The following COL9A3 variants were observed in gnomAD, a reference collection of about 807,000 sequenced individuals.
COL9A3 encodes collagen type IX alpha 3 chain.
A neutral mutation model predicts 110.2 loss-of-function variants in COL9A3; 82 were observed. The ratio of observed to expected loss-of-function variants is 0.74; its 90% CI spans 0.62 to 0.89. The LOEUF (loss-of-function observed/expected upper bound fraction) is 0.89, where lower values mean the gene tolerates loss of function less well. Ranked by LOEUF, COL9A3 falls within the 40% of genes least tolerant of loss-of-function variation. The probability of loss-of-function intolerance (pLI) is 0.00; values close to 1 mark genes in which losing one functional copy is unlikely to be tolerated. For missense variants in COL9A3, 1,066 were observed against 981.3 expected, an observed-to-expected ratio of 1.09 and a Z score of -1.15; for synonymous variants, 494 against 403.8, an observed-to-expected ratio of 1.22 and a Z score of -2.68.
intron 2 of COL9A3, among the ~76,000 whole-genome samples, chr20:62,818,316 C>T (rs938042506): frequency 2.0e-5 from 3 of 152,218 alleles, no homozygotes; most frequent in African/African-American, 7.2e-5. Context: ...TCCAGTCTGT[C>T]CAGTTCACCC....
intron 16 of COL9A3, among the ~76,000 whole-genome samples, chr20:62,827,635 G>A (rs923481813): frequency 2.0e-5 from 3 of 152,226 alleles, no homozygotes; most frequent in Non-Finnish European, 2.9e-5. Context: ...GCAGCCAAGC[G>A]TTCCAGGAGT....
chr20:62,834,792 A>G lies in COL9A3; in HGVS notation c.1369-1129A>G, dbSNP rs540429100. On this transcript the variant is annotated intron_variant, in intron 26 of 31. Coordinates refer to ENST00000649368, the MANE Select transcript of COL9A3 (RefSeq NM_001853.4). Reference sequence around the variant, plus strand: ...CGAGTAGCTGGGACTACAGGTGCCCACCATCACACCCGGCTAATTTTTGTA... The same window carrying G: ...CGAGTAGCTGGGACTACAGGTGCCCGCCATCACACCCGGCTAATTTTTGTA... Among the ~76,000 whole-genome samples, 257 of 152,128 alleles carry G rather than the reference A, an allele frequency of 1.7e-3. 2 individuals carry two copies. The highest frequency in any genetic ancestry group is 5.2e-3 in the African/African-American group (215 of 41,488).
chr20:62,832,933 C>T (rs139469897), intron 25 of COL9A3, 87 bp from the exon 26 acceptor site: 12 of 1,250,486 alleles, frequency 9.6e-6, no homozygotes, highest in African/African-American at 1.5e-5. Context: ...ATTACACCTA[C>T]GGAGGCTTGA....
chr20:62,825,723 C>T (rs894941829), intron 12 of COL9A3, 94 bp from the exon 13 acceptor site: 3 of 1,305,696 alleles, frequency 2.3e-6, no homozygotes, highest in Admixed American at 2.0e-5. Context: ...GCAACACCCC[C>T]AGCTGCTTGG....
Position 62,817,574 on chromosome 20 carries a change from G to T in COL9A3, c.86G>T (p.Gly29Val), listed in dbSNP as rs958612540. ...LLAAAGAQRV[G>V]LPGPPGPPGP... Reference sequence around the variant, plus strand: ...GAGTTTTCTCCGTTTCAGAGAGTGGGACTCCCCGGCCCCCCCGGCCCCCCA... The same window carrying T: ...GAGTTTTCTCCGTTTCAGAGAGTGGTACTCCCCGGCCCCCCCGGCCCCCCA... Residue 29 changes from glycine (G) to valine (V), a missense_variant, in exon 2 of 32, where the codon GGA becomes GTA. Transcript: ENST00000649368. 88 of 1,545,164 alleles carry T rather than the reference G, an allele frequency of 5.7e-5. No individual in the cohort carries two copies. Among genetic ancestry groups the T allele is most frequent in the Non-Finnish European group, 6.5e-5 (74 of 1,143,112 alleles).
intron 5 of COL9A3, among the ~76,000 whole-genome samples, 172 bp from the exon 6 acceptor site, chr20:62,821,009 C>T (rs974150545): frequency 7.9e-5 from 12 of 152,194 alleles, no homozygotes; most frequent in African/African-American, 9.7e-5. Flanking sequence ...CTCCCCAGGA[C>T]GGCAAAGACC....
Position 62,836,519 on chromosome 20 carries a change from G to A in COL9A3, c.1590G>A (p.Gly530=). 1 of 1,612,404 alleles carries A rather than the reference G, an allele frequency of 6.2e-7. No individual in the cohort carries two copies. Among genetic ancestry groups the A allele is most frequent in the Non-Finnish European group, 8.5e-7 (1 of 1,179,318 alleles). Reference sequence around the variant, plus strand: ...AGCAGCGCATCAGGGAGCTGTGTGGGGGGATGATCAGCGGTAAGTCAGCCA... The same window carrying A: ...AGCAGCGCATCAGGGAGCTGTGTGGAGGGATGATCAGCGGTAAGTCAGCCA... ...ASEQRIRELC[G]GMISEQIAQL... The change falls in exon 29 of 32, where the codon GGG becomes GGA. Residue 530 remains glycine (G), a synonymous_variant. Transcript: ENST00000649368.
chr20:62,827,328 T>TA (rs537169453), intron 16 of COL9A3, 34 bp downstream of exon 16: 745 of 1,609,116 alleles, frequency 4.6e-4, no homozygotes, highest in South Asian at 8.7e-4. Flanking sequence ...CCTGGGTCCT[T>TA]ATGTGGAAGA....
chr20:62,826,176 C>T (rs773436932), intron 13 of COL9A3, 28 bp from the exon 14 acceptor site: 18 of 1,551,266 alleles, frequency 1.2e-5, no homozygotes, highest in South Asian at 5.9e-5. Flanking sequence ...GCAGCCCCAG[C>T]CTCTGCATCT....
chr20:62,826,503 G>A (rs967780801), intron 14 of COL9A3, among the ~76,000 whole-genome samples: 1 of 152,194 alleles, frequency 6.6e-6, no homozygotes, highest in Non-Finnish European at 1.5e-5. Flanking sequence ...GGCTATTCAC[G>A]CGTGTGCCCG....
intron 17 of COL9A3, 130 bp downstream of exon 17, chr20:62,828,106 T>C: frequency 3.2e-6 from 3 of 928,896 alleles, no homozygotes; most frequent in Non-Finnish European, 5.1e-6. Flanking sequence ...GGGTTAACGG[T>C]GGAACAGCCC....
At chr20:62,818,603 G>C in intron 3 of COL9A3, 50 bp downstream of exon 3, 1 of 1,572,808 alleles carries the variant, frequency 6.4e-7, no homozygotes, top group Non-Finnish European at 8.7e-7. Flanking sequence ...TGGAGAGAAA[G>C]GGGGAACTCA....
intron 14 of COL9A3, among the ~76,000 whole-genome samples, chr20:62,826,553 C>CA (rs2063554740): frequency 6.6e-6 from 1 of 152,216 alleles, no homozygotes; most frequent in African/African-American, 2.4e-5. Context: ...CACCCACACA[C>CA]ACGGTCCCAG....
intron 24 of COL9A3, chr20:62,831,794 C>T (rs545281455): frequency 4.6e-4 from 165 of 362,298 alleles, no homozygotes; most frequent in African/African-American, 3.4e-3. Flanking sequence ...CAGACATGTC[C>T]TCATTTCACA....
At chr20:62,840,059 A>G (rs565494655) in intron 31 of COL9A3, among the ~76,000 whole-genome samples, 1 of 151,610 alleles carries the variant, frequency 6.6e-6, no homozygotes, top group East Asian at 2.0e-4. Context: ...TGCCCGCACC[A>G]TGCCCACACC....
chr20:62,838,769 T>A lies in COL9A3; in HGVS notation c.1864+8T>A. The A allele has an allele frequency of 6.4e-7, 1 of 1,550,776 alleles. No homozygotes were observed. The highest frequency in any genetic ancestry group is 8.7e-7 in the Non-Finnish European group (1 of 1,146,434). ...GAGACCAGGGGCCCCAAGGTACGAG[T>A]CCACGGCCAGCAAGGCTTCACTGGG... is the stretch of plus-strand genomic sequence containing the variant. On this transcript the variant is annotated splice_region_variant and intron_variant, in intron 31 of 31. Transcript: ENST00000649368.
chr20:62,840,515 G>T, intron 31 of COL9A3, 27 bp from the exon 32 acceptor site: 1 of 1,606,730 alleles, frequency 6.2e-7, no homozygotes, highest in Non-Finnish European at 8.5e-7. Context: ...GGCTGCAGCT[G>T]AACTCACCTT....
chr20:62,834,598 C>T (rs915320491), intron 26 of COL9A3, among the ~76,000 whole-genome samples: 10 of 152,178 alleles, frequency 6.6e-5, no homozygotes, highest in African/African-American at 2.4e-4. Flanking sequence ...ACTTTTTATG[C>T]CTGGGGACAA....
intron 14 of COL9A3, 59 bp from the exon 15 acceptor site, chr20:62,826,708 G>A: frequency 2.5e-6 from 4 of 1,589,412 alleles, no homozygotes; most frequent in African/African-American, 1.3e-5. Context: ...AGGGAGCACT[G>A]GGGGGATGCC....
Sources: gnomAD v4.1 joint callset for allele counts (sites outside exome capture counted in the v4.1 genomes callset) on GRCh38, gnomAD v4.1.1 for gene constraint, MANE v1.5 for transcripts, NCBI Gene and HGNC (gene_info 2026-07-23, HGNC 2026-07-21) for gene names.